The following AGBL4 variants were observed in gnomAD, a reference collection of about 807,000 sequenced individuals.
The protein encoded by AGBL4 is cytosolic carboxypeptidase 6.
AGBL4 carries 58 observed loss-of-function variants against 66.4 expected under a neutral mutation model. The ratio of observed to expected loss-of-function variants is 0.87; its 90% confidence interval spans 0.71 to 1.09. The LOEUF is 1.09. AGBL4 is among the 50% of genes least tolerant of loss of function. The pLI, the probability that AGBL4 is intolerant of heterozygous loss-of-function variation, is 0.00. For synonymous variants in AGBL4, 234 were observed against 222.9 expected (o/e 1.05, Z -0.44); for missense variants, 579 against 631.0 (o/e 0.92, Z 0.88).
At chr1:49,618,709 C>T (rs1645298908) in intron 3 of AGBL4, among the ~76,000 whole-genome samples, 1 of 152,074 alleles carries the variant, frequency 6.6e-6, no homozygotes, top group African/African-American at 2.4e-5. Context: ...AACATCAATG[C>T]AAAAATCCTC....
chr1:49,417,751 G>C (rs998966299), intron 3 of AGBL4, among the ~76,000 whole-genome samples: 2 of 152,054 alleles, frequency 1.3e-5, no homozygotes, highest in Non-Finnish European at 2.9e-5. Flanking sequence ...CTTTTTATGA[G>C]TCTTCATATA....
intron 3 of AGBL4, among the ~76,000 whole-genome samples, chr1:49,658,036 A>G (rs1407365789): frequency 6.6e-6 from 1 of 152,350 alleles, no homozygotes; most frequent in East Asian, 1.9e-4. Flanking sequence ...GAGCTTCTGC[A>G]CAGCAAAAGA....
chr1:49,718,985 A>G (rs541509828), intron 2 of AGBL4, among the ~76,000 whole-genome samples: 24 of 152,274 alleles, frequency 1.6e-4, no homozygotes, highest in Non-Finnish European at 3.2e-4. Flanking sequence ...TGAGACAAAG[A>G]ACAACATGTA....
intron 1 of AGBL4, chr1:50,017,449 A>G (rs1228580452): frequency 6.6e-6 from 1 of 152,230 alleles, no homozygotes; most frequent in African/African-American, 2.4e-5. Context: ...TATAGTGGGC[A>G]GTTGAGGAGG....
In AGBL4 at chr1:49,112,098, GA is replaced by G. The variant is rs545945117; in HGVS notation, c.378-66299del. On this transcript the variant is annotated intron_variant, in intron 4 of 13. Transcript: ENST00000371839. The stretch of plus-strand genomic sequence containing the variant: ...TGTTCTACTTAGTTAAAATTTTAAA[GA>G]CTCTGAAAGGGGCAACATGTATAAC... Among the ~76,000 whole-genome samples the G allele has an allele frequency of 4.0e-4, 61 of 152,270 alleles. 1 individual carries two copies. The East Asian group carries it at 0.011, about 28-fold the overall frequency.
rs549409304 is a variant in AGBL4 at position 48,638,141 on chromosome 1, A to C, written c.840-3537T>G. ...ATGACCTAAAACTCACCACCTTTCC[A>C]GTTAGCTTATCTCATTCTTGAATCT... On this transcript the variant is annotated intron_variant, in intron 8 of 13. Transcript: ENST00000371839. Among the ~76,000 whole-genome samples, 5 of 152,254 alleles carry C rather than the reference A, an allele frequency of 3.3e-5. No individual in the cohort carries two copies. In the East Asian group the frequency reaches 9.7e-4, roughly 29 times the overall value.
At chr1:48,943,188 A>C (rs1234718578) in intron 5 of AGBL4, among the ~76,000 whole-genome samples, 1 of 152,226 alleles carries the variant, frequency 6.6e-6, no homozygotes, top group African/African-American at 2.4e-5. Context: ...GGAATCCATA[A>C]GGACACCACT....
intron 1 of AGBL4, among the ~76,000 whole-genome samples, chr1:49,929,996 A>G (rs1236793892): frequency 6.6e-6 from 1 of 152,102 alleles, no homozygotes; most frequent in Non-Finnish European, 1.5e-5. Flanking sequence ...TACTTAATAA[A>G]CAAAGAGAAT....
At chr1:49,106,342 T>G (rs1172156757) in intron 4 of AGBL4, among the ~76,000 whole-genome samples, 1 of 152,200 alleles carries the variant, frequency 6.6e-6, no homozygotes, top group East Asian at 1.9e-4. Context: ...TACACATTTT[T>G]ATTTGTCTTT....
intron 3 of AGBL4, among the ~76,000 whole-genome samples, chr1:49,495,131 C>T (rs888855663): frequency 4.6e-5 from 7 of 152,004 alleles, no homozygotes; most frequent in Non-Finnish European, 5.9e-5. Context: ...AGAGAATATA[C>T]GTTTTAGTAC....
chr1:49,935,745 A>G (rs1414561550), intron 1 of AGBL4, among the ~76,000 whole-genome samples: 1 of 152,194 alleles, frequency 6.6e-6, no homozygotes, highest in Admixed American at 6.5e-5. Context: ...GTGGACCTCT[A>G]GCAAACTCCA....
intron 1 of AGBL4, among the ~76,000 whole-genome samples, chr1:49,972,119 A>C (rs145651868): frequency 4.0e-5 from 6 of 151,070 alleles, no homozygotes; most frequent in Non-Finnish European, 7.4e-5. Flanking sequence ...GGGTTTCACC[A>C]TGTTAGCCAG....
chr1:49,205,621 A>G (rs1414756830), intron 4 of AGBL4, among the ~76,000 whole-genome samples: 3 of 152,066 alleles, frequency 2.0e-5, no homozygotes, highest in South Asian at 4.1e-4. Flanking sequence ...CCCCAGTTCC[A>G]GCATATCCTA....
At chr1:48,857,434 A>T (rs919246648) in intron 6 of AGBL4, among the ~76,000 whole-genome samples, 14 of 152,242 alleles carry the variant, frequency 9.2e-5, no homozygotes, top group Admixed American at 8.5e-4. Context: ...AAGAGAGCAT[A>T]GGTATGGGCC....
chr1:49,263,516 G>A (rs896243483), intron 3 of AGBL4, among the ~76,000 whole-genome samples: 2 of 152,042 alleles, frequency 1.3e-5, no homozygotes, highest in South Asian at 2.1e-4. Flanking sequence ...ATAAAGGTTT[G>A]TAAATTAAAT....
At chr1:49,599,100 G>C (rs950847300) in intron 3 of AGBL4, among the ~76,000 whole-genome samples, 2 of 152,152 alleles carry the variant, frequency 1.3e-5, no homozygotes, top group African/African-American at 4.8e-5. Flanking sequence ...GTTGGTATCA[G>C]GATGATGCTG....
intron 3 of AGBL4, among the ~76,000 whole-genome samples, chr1:49,305,802 T>C (rs1464784476): frequency 6.6e-6 from 1 of 152,116 alleles, no homozygotes; most frequent in African/African-American, 2.4e-5. Context: ...GCAATTCTCC[T>C]GTCTCAGCCT....
intron 4 of AGBL4, among the ~76,000 whole-genome samples, chr1:49,113,733 T>C (rs1173590545): frequency 6.6e-6 from 1 of 152,226 alleles, no homozygotes; most frequent in Non-Finnish European, 1.5e-5. Flanking sequence ...GCAAAATGGA[T>C]GTAGCGTTAG....
rs1231197607 is a variant in AGBL4 at position 49,889,448 on chromosome 1, GA to G, written c.35-37931del. 3.3e-5 allele frequency among the ~76,000 whole-genome samples: 5 copies of G among 152,100 alleles called. 1 individual carries two copies. The highest frequency in any genetic ancestry group is 7.3e-5 in the Non-Finnish European group (5 of 68,032). On this transcript the variant is annotated intron_variant, in intron 1 of 13. Coordinates refer to ENST00000371839, the MANE Select transcript of AGBL4 (RefSeq NM_032785.4). ...TTTGTATTTTCTAATATATGAGTGGGAAAATTGATCCATGACTATGTAACCT... is the reference window on the plus strand; with the variant it reads ...TTTGTATTTTCTAATATATGAGTGGGAAATTGATCCATGACTATGTAACCT...
Sources: gnomAD v4.1 joint callset for allele counts (sites outside exome capture counted in the v4.1 genomes callset) on GRCh38, gnomAD v4.1.1 for gene constraint, MANE v1.5 for transcripts, NCBI Gene and HGNC (gene_info 2026-07-23, HGNC 2026-07-21) for gene names.